FOCAD: variants seen among roughly 807,000 people sequenced by gnomAD.
FOCAD encodes KIAA1797.
In FOCAD, 198 loss-of-function variants were observed where a neutral mutation model predicts 225.6. The ratio of observed to expected loss-of-function variants is 0.88; its 90% CI spans 0.78 to 0.99. The LOEUF (loss-of-function observed/expected upper bound fraction) is 0.99. Among genes scored for constraint, FOCAD ranks in the 50% least tolerant of loss-of-function variants. The pLI is 0.00. For synonymous variants in FOCAD, 897 were observed against 755.0 expected (o/e 1.19, Z -3.08); for missense variants, 2,713 against 2,123.6 (o/e 1.28, Z -5.46).
chr9:20,670,286 A>G (rs938979141), intron 2 of FOCAD, among the ~76,000 whole-genome samples: 3 of 152,250 alleles, frequency 2.0e-5, no homozygotes, highest in African/African-American at 7.2e-5. Context: ...CCTAATGATC[A>G]ATAAATCCTC....
At chr9:20,968,025 AAGATTGGTGTTAATTCTTT>A in intron 35 of FOCAD, among the ~76,000 whole-genome samples, 1 of 152,294 alleles carries the variant, frequency 6.6e-6, no homozygotes, top group East Asian at 1.9e-4. Context: ...GAAATTGAGA[AAGATTGGTGTTAATTCTTT>A]AAGTGTCCGG....
At chr9:20,885,443 A>G (rs1353100053) in intron 21 of FOCAD, 2 of 292,662 alleles carry the variant, frequency 6.8e-6, no homozygotes, top group Non-Finnish European at 1.2e-5. Flanking sequence ...CAGCGTATTT[A>G]TTAGGGAGTA....
Position 20,877,937 on chromosome 9 carries a change from C to T in FOCAD, c.2317+3130C>T, listed in dbSNP as rs529581318. ...ACAAACAAACAAACAAAAACCCCAACGGGTTACCACTCTTTATGCAGTCAC... is the reference window on the plus strand; with the variant it reads ...ACAAACAAACAAACAAAAACCCCAATGGGTTACCACTCTTTATGCAGTCAC... On this transcript the variant is annotated intron_variant, in intron 19 of 43. Transcript: ENST00000338382. 3.9e-5 allele frequency among the ~76,000 whole-genome samples: 6 copies of T among 152,120 alleles called. No homozygotes were observed. The East Asian group carries it at 7.7e-4, about 20-fold the overall frequency.
chr9:20,838,903 A>G (rs1263847648), intron 15 of FOCAD, among the ~76,000 whole-genome samples: 1 of 152,104 alleles, frequency 6.6e-6, no homozygotes, highest in African/African-American at 2.4e-5. Context: ...TTTATCTTTA[A>G]AAGATAAATT....
At chr9:20,706,915 G>A (rs1276499420) in intron 1 of FOCAD, among the ~76,000 whole-genome samples, 1 of 152,188 alleles carries the variant, frequency 6.6e-6, no homozygotes, top group Non-Finnish European at 1.5e-5. Context: ...GTGCGTGGTT[G>A]TGTCTAGGCT....
At chr9:20,853,089 C>A (rs1255275538) in intron 15 of FOCAD, among the ~76,000 whole-genome samples, 1 of 151,706 alleles carries the variant, frequency 6.6e-6, no homozygotes, top group African/African-American at 2.4e-5. Context: ...TTTGCTAGTT[C>A]ATCCTGGAAG....
intron 21 of FOCAD, among the ~76,000 whole-genome samples, chr9:20,894,133 A>G (rs748912709): frequency 6.6e-6 from 1 of 152,068 alleles, no homozygotes; most frequent in African/African-American, 2.4e-5. Flanking sequence ...CATACGGTAT[A>G]TAGATTTTTC....
intron 5 of FOCAD, among the ~76,000 whole-genome samples, chr9:20,752,184 T>C (rs1043317321): frequency 1.3e-5 from 2 of 151,794 alleles, no homozygotes; most frequent in African/African-American, 4.9e-5. Flanking sequence ...TTGTCAATTT[T>C]GGCTTTTGTT....
chr9:20,734,047 C>T lies in FOCAD; in HGVS notation c.288-6189C>T, dbSNP rs578202167. On this transcript the variant is annotated intron_variant, in intron 4 of 43. Transcript: ENST00000338382. ...AAACAAACAAAAAAAGTCTTTTTCG[C>T]ACTTTGAGATTATAAATATTTTTTA... 1.5e-3 allele frequency among the ~76,000 whole-genome samples: 226 copies of T among 152,198 alleles called. 1 individual carries two copies. The highest frequency in any genetic ancestry group is 5.2e-3 in the African/African-American group (215 of 41,528).
intron 15 of FOCAD, among the ~76,000 whole-genome samples, chr9:20,832,641 T>C (rs913055002): frequency 1.3e-5 from 2 of 151,980 alleles, no homozygotes; most frequent in Non-Finnish European, 2.9e-5. Flanking sequence ...TTAATCTTAT[T>C]CATTCTCTTT....
chr9:20,823,963 C>T (rs1294361826), intron 15 of FOCAD, among the ~76,000 whole-genome samples: 1 of 152,082 alleles, frequency 6.6e-6, no homozygotes, highest in Non-Finnish European at 1.5e-5. Context: ...AGATAGACCC[C>T]AGAGAGAGGT....
chr9:20,955,432 A>T (rs1391258129), intron 35 of FOCAD, among the ~76,000 whole-genome samples: 1 of 152,128 alleles, frequency 6.6e-6, no homozygotes, highest in African/African-American at 2.4e-5. Flanking sequence ...CCATTCTTTC[A>T]TGCAGACCCA....
intron 11 of FOCAD, among the ~76,000 whole-genome samples, chr9:20,794,349 G>C (rs902375304): frequency 5.3e-5 from 8 of 152,170 alleles, no homozygotes; most frequent in Non-Finnish European, 1.0e-4. Flanking sequence ...GATTGCCATA[G>C]TGTATATATG....
At chr9:20,844,471 C>T (rs1424089505) in intron 15 of FOCAD, among the ~76,000 whole-genome samples, 1 of 146,232 alleles carries the variant, frequency 6.8e-6, no homozygotes, top group African/African-American at 2.5e-5. Flanking sequence ...AGCGATTCTC[C>T]TGCCTCAGCC....
rs924416821 is a variant in FOCAD at position 20,894,055 on chromosome 9, C to T, written c.2625+8825C>T. Among the ~76,000 whole-genome samples the T allele has an allele frequency of 1.1e-4, 16 of 152,218 alleles. 1 individual carries two copies. The South Asian group carries it at 1.9e-3, about 18-fold the overall frequency. ...TTCATCCCTTCCTTCTCTCTAACTC[C>T]GTGTGACCACTGATCTTTTTACTGT... On this transcript the variant is annotated intron_variant, in intron 21 of 43. Coordinates refer to ENST00000338382, the MANE Select transcript of FOCAD (RefSeq NM_001375567.1).
At chr9:20,699,009 C>A (rs1823619556) in intron 1 of FOCAD, among the ~76,000 whole-genome samples, 1 of 152,298 alleles carries the variant, frequency 6.6e-6, no homozygotes, top group South Asian at 2.1e-4. Context: ...AGACTGCCCA[C>A]CACAGAATGA....
intron 6 of FOCAD, among the ~76,000 whole-genome samples, chr9:20,763,280 G>T (rs1467732868): frequency 1.5e-4 from 23 of 152,124 alleles, no homozygotes; most frequent in Non-Finnish European, 2.9e-5. Context: ...GCCTCATTTG[G>T]TTTATAGTCT....
At chr9:20,830,883 C>T (rs1456946031) in intron 15 of FOCAD, among the ~76,000 whole-genome samples, 2 of 151,904 alleles carry the variant, frequency 1.3e-5, no homozygotes, top group Non-Finnish European at 2.9e-5. Flanking sequence ...CTATGTTGAC[C>T]AGGCTGGTTG....
upstream of FOCAD, among the ~76,000 whole-genome samples, chr9:20,681,177 G>T (rs920554465): frequency 5.9e-5 from 9 of 152,190 alleles, no homozygotes; most frequent in African/African-American, 2.2e-4. Context: ...AAAATTTTGA[G>T]TTCCAACATA....
Sources: gnomAD v4.1 joint callset for allele counts (sites outside exome capture counted in the v4.1 genomes callset) on GRCh38, gnomAD v4.1.1 for gene constraint, MANE v1.5 for transcripts, NCBI Gene and HGNC (gene_info 2026-07-23, HGNC 2026-07-21) for gene names.